The following EGFLAM variants were observed in gnomAD, a reference collection of about 807,000 sequenced individuals.
EGFLAM encodes EGF like, fibronectin type III and laminin G domains, also known as pikachurin.
EGFLAM carries 79 observed loss-of-function variants against 113.1 expected under a neutral mutation model. That is an observed-to-expected ratio of 0.70 (90% CI 0.58 to 0.84). The LOEUF (loss-of-function observed/expected upper bound fraction) is 0.84. Among genes scored for constraint, EGFLAM ranks in the 40% least tolerant of loss-of-function variants. The pLI is 0.00. For synonymous variants in EGFLAM, 504 were observed against 487.6 expected (o/e 1.03, Z -0.44); for missense variants, 1,265 against 1,291.6 (o/e 0.98, Z 0.32).
chr5:38,366,613 A>T lies in EGFLAM; in HGVS notation c.546-3683A>T, dbSNP rs927486574. Among the ~76,000 whole-genome samples, 3 of 152,318 alleles carry T rather than the reference A, an allele frequency of 2.0e-5. No individual in the cohort carries two copies. The South Asian group carries it at 6.2e-4, about 32-fold the overall frequency. On this transcript the variant is annotated intron_variant, in intron 5 of 21. Coordinates refer to ENST00000322350, the MANE Select transcript of EGFLAM (RefSeq NM_152403.4). ...AGGTAGTCAAAACACCACAAGAAAG[A>T]ATTAAAACAGAAAGGTATACCACCC...
intron 3 of EGFLAM, among the ~76,000 whole-genome samples, chr5:38,341,623 C>T (rs146413950): frequency 1.3e-5 from 2 of 152,250 alleles, no homozygotes; most frequent in East Asian, 3.9e-4. Flanking sequence ...CATAGAGATG[C>T]TATAAATATT....
At chr5:38,391,442 G>A (rs1040564212) in intron 6 of EGFLAM, among the ~76,000 whole-genome samples, 1 of 150,614 alleles carries the variant, frequency 6.6e-6, no homozygotes, top group East Asian at 1.9e-4. Flanking sequence ...CTGTCACCCA[G>A]GCTGGAGTAC....
chr5:38,391,125 A>G lies in EGFLAM; in HGVS notation c.713-15001A>G, dbSNP rs560950645. On this transcript the variant is annotated intron_variant, in intron 6 of 21. Coordinates refer to ENST00000322350, the MANE Select transcript of EGFLAM (RefSeq NM_152403.4). ...TAAAAGTTTAAAAATTTTGCTTTTC[A>G]TATTTAGGGTGTTAATCCACCTAGA... Among the ~76,000 whole-genome samples the G allele has an allele frequency of 3.9e-5, 6 of 152,248 alleles. No individual in the cohort carries two copies. The South Asian group carries it at 1.2e-3, about 32-fold the overall frequency.
In EGFLAM at chr5:38,464,068, C is replaced by T; in HGVS notation, c.*82C>T. On this transcript the variant is annotated 3_prime_UTR_variant, in exon 22 of 22. Transcript: ENST00000322350. ...CTCAGACCCTGCCTGATGCTATATG[C>T]AGAGGCCCAGGGACCAGGTGTGTTT... 1 of 1,546,068 alleles carries T rather than the reference C, an allele frequency of 6.5e-7. No individual in the cohort carries two copies. The highest frequency in any genetic ancestry group is 1.2e-5 in the South Asian group (1 of 85,096).
At chr5:38,264,585 G>T (rs1013563559) in intron 1 of EGFLAM, among the ~76,000 whole-genome samples, 1 of 152,030 alleles carries the variant, frequency 6.6e-6, no homozygotes, top group Non-Finnish European at 1.5e-5. Context: ...TACTTCCCCA[G>T]TGCCACCTTG....
In EGFLAM at chr5:38,412,493, C is replaced by T; in HGVS notation, c.1350-11C>T. ...GTCAAGAAATCTTCTTTTCCTTTTCCTCCCCAACAGGTTTAATTGTGGAAC... is the reference window on the plus strand; with the variant it reads ...GTCAAGAAATCTTCTTTTCCTTTTCTTCCCCAACAGGTTTAATTGTGGAAC... On this transcript the variant is annotated splice_polypyrimidine_tract_variant and intron_variant, in intron 10 of 21. Coordinates refer to ENST00000322350, the MANE Select transcript of EGFLAM (RefSeq NM_152403.4). 1 of 1,614,080 alleles carries T rather than the reference C, an allele frequency of 6.2e-7. No homozygotes were observed. The highest frequency in any genetic ancestry group is 8.5e-7 in the Non-Finnish European group (1 of 1,180,000).
At position 38,258,567 on chromosome 5, in the gene EGFLAM, A is replaced by T; in HGVS notation, c.-188A>T. The T allele has an allele frequency of 1.7e-6, 1 of 597,924 alleles. No individual in the cohort carries two copies. Among genetic ancestry groups the T allele is most frequent in the Non-Finnish European group, 2.9e-6 (1 of 343,722 alleles). The allele number at this position is 597,924 out of a possible 1,614,324, so 37.0% of individuals were successfully genotyped here. On this transcript the variant is annotated 5_prime_UTR_variant, in exon 1 of 22. Coordinates refer to ENST00000322350, the MANE Select transcript of EGFLAM (RefSeq NM_152403.4). ...AGCTTGCAGCCGGCTTCACTCGCGC[A>T]CGCCGACCTCCCGGCTGCAGTCCTA... is the stretch of plus-strand genomic sequence containing the variant.
Position 38,406,194 on chromosome 5 carries a change from G to C in EGFLAM, c.781G>C (p.Asp261His), listed in dbSNP as rs267600618. ...CACCGACATGGGAGCTGGTGAGGAT[G>C]ATGAAGGATTTGAAGACGACTTAGA... ...YITDMGAGED[D>H]EGFEDDLDLD... Residue 261 changes from aspartate (D) to histidine (H), a missense_variant, in exon 7 of 22, where the codon GAT becomes CAT. Coordinates refer to ENST00000322350, the MANE Select transcript of EGFLAM (RefSeq NM_152403.4). 1 of 1,614,200 alleles carries C rather than the reference G, an allele frequency of 6.2e-7. No homozygotes were observed. Among genetic ancestry groups the C allele is most frequent in the Non-Finnish European group, 8.5e-7 (1 of 1,180,024 alleles).
intron 6 of EGFLAM, among the ~76,000 whole-genome samples, chr5:38,374,433 G>A (rs1561054693): frequency 1.3e-5 from 2 of 152,014 alleles, no homozygotes; most frequent in Admixed American, 6.5e-5. Context: ...TGGACTCCTA[G>A]GGGGTCGAAG....
In EGFLAM at chr5:38,463,858, A is replaced by G. The variant is rs1476244458; in HGVS notation, c.2902A>G (p.Thr968Ala). 6 of 1,614,056 alleles carry G rather than the reference A, an allele frequency of 3.7e-6. No individual in the cohort carries two copies. The highest frequency in any genetic ancestry group is 5.1e-6 in the Non-Finnish European group (6 of 1,180,010). The change falls in exon 22 of 22, where the codon ACT becomes GCT. Residue 968 changes from threonine (T) to alanine (A), a missense_variant. Coordinates refer to ENST00000322350, the MANE Select transcript of EGFLAM (RefSeq NM_152403.4). The stretch of plus-strand genomic sequence containing the variant: ...TGGAATGAAGGAAATTGCTCTGCAC[A>G]CTAACAGGCAATATATGAGAGGGCT... ...VGGMKEIALH[T>A]NRQYMRGLVG...
At chr5:38,366,993 C>T (rs971413635) in intron 5 of EGFLAM, among the ~76,000 whole-genome samples, 8 of 152,268 alleles carry the variant, frequency 5.3e-5, no homozygotes, top group East Asian at 1.9e-4. Context: ...CACTGCTGGC[C>T]GCATTCTCTA....
intron 5 of EGFLAM, among the ~76,000 whole-genome samples, chr5:38,360,903 G>A (rs958775718): frequency 4.0e-5 from 6 of 151,514 alleles, no homozygotes; most frequent in African/African-American, 9.7e-5. Context: ...CACTTAGGCC[G>A]GAGTGCAGTG....
chr5:38,359,403 G>A (rs75602510), intron 5 of EGFLAM, among the ~76,000 whole-genome samples: 2,736 of 152,260 alleles, frequency 0.018, 48 homozygotes, highest in Non-Finnish European at 0.028. Flanking sequence ...TTGGCCGCGC[G>A]CAGTGGCTCA....
intron 1 of EGFLAM, among the ~76,000 whole-genome samples, chr5:38,321,538 C>A (rs772782145): frequency 6.6e-6 from 1 of 152,152 alleles, no homozygotes; most frequent in African/African-American, 2.4e-5. Context: ...AGTGGTTTTG[C>A]GCCTTTACCT....
intron 1 of EGFLAM, among the ~76,000 whole-genome samples, chr5:38,281,821 T>G (rs1218970272): frequency 6.6e-6 from 1 of 152,254 alleles, no homozygotes; most frequent in Non-Finnish European, 1.5e-5. Flanking sequence ...TTGACTGTGC[T>G]TGATACACTG....
chr5:38,325,992 T>C (rs1738870172), intron 1 of EGFLAM, among the ~76,000 whole-genome samples: 1 of 152,006 alleles, frequency 6.6e-6, no homozygotes, highest in South Asian at 2.1e-4. Context: ...ATATTACAAA[T>C]ATTTATTTGA....
At chr5:38,276,841 C>A (rs1181923120) in intron 1 of EGFLAM, among the ~76,000 whole-genome samples, 2 of 152,054 alleles carry the variant, frequency 1.3e-5, no homozygotes, top group Non-Finnish European at 2.9e-5. Context: ...TGGCCACATA[C>A]AACCTATCAA....
At chr5:38,394,292 TTAGCCAGGAGCC>T (rs2112094242) in intron 6 of EGFLAM, among the ~76,000 whole-genome samples, 1 of 152,152 alleles carries the variant, frequency 6.6e-6, no homozygotes, top group East Asian at 1.9e-4. Context: ...AGGGTACGGT[TTAGCCAGGAGCC>T]TAGCCCTTCT....
intron 5 of EGFLAM, among the ~76,000 whole-genome samples, chr5:38,357,866 T>TC (rs1317919568): frequency 2.1e-4 from 31 of 147,148 alleles, no homozygotes; most frequent in Middle Eastern, 3.5e-3. Context: ...CAAATTTTCT[T>TC]TTTTTTTTTT....
Sources: gnomAD v4.1 joint callset for allele counts (sites outside exome capture counted in the v4.1 genomes callset) on GRCh38, gnomAD v4.1.1 for gene constraint, MANE v1.5 for transcripts, NCBI Gene and HGNC (gene_info 2026-07-23, HGNC 2026-07-21) for gene names.